The following FPR1 variants were observed in gnomAD, a reference collection of about 807,000 sequenced individuals.
FPR1 encodes the protein N-formyl peptide receptor 1.
For synonymous variants in FPR1, 193 were observed against 176.7 expected, an observed-to-expected ratio of 1.09 and a Z score of -0.73; for missense variants, 407 against 453.0, an observed-to-expected ratio of 0.90 and a Z score of 0.92.
chr19:51,746,412 C>T lies in FPR1; in HGVS notation c.583G>A (p.Val195Ile), dbSNP rs201880162. The T allele has an allele frequency of 2.7e-5, 44 of 1,614,122 alleles. 1 individual carries two copies. The highest frequency in any genetic ancestry group is 1.5e-4 in the South Asian group (14 of 91,068). Residue 195 changes from valine (V) to isoleucine (I), a missense_variant, in exon 2 of 2, where the codon GTT becomes ATT. Physicochemically the swap from Val to Ile is conservative, Grantham distance 29 (BLOSUM62 3). Transcript: ENST00000304748. This position sits in a 1 kb window ranked among gnomAD's most constrained non-coding sequence, Gnocchi z 4.3. The part of the protein sequence containing the change: ...NDPKERINVA[V>I]AMLTVRGIIR... ...ATGCCTCTCACCGTCAACATGGCAA[C>T]GGCCACATTTATCCTCTCTTTAGGG... is the stretch of plus-strand genomic sequence containing the variant.
intron 1 of FPR1, among the ~76,000 whole-genome samples, chr19:51,751,588 G>A (rs2083781395): frequency 6.6e-6 from 1 of 152,082 alleles, no homozygotes; most frequent in South Asian, 2.1e-4. Context: ...TCAACATGTT[G>A]GCCAGGCTGG....
intron 1 of FPR1, chr19:51,750,598 G>C (rs1216039143): frequency 2.6e-5 from 4 of 152,150 alleles, no homozygotes; most frequent in Non-Finnish European, 5.9e-5. Flanking sequence ...AAGGCAACCA[G>C]TTCAGAAGAT....
At chr19:51,745,618 GGGT>G, downstream of FPR1, 1 of 256,522 alleles carries the variant, frequency 3.9e-6, no homozygotes, top group South Asian at 5.7e-5. Context: ...CCAGAATGAT[GGGT>G]ATCATTCACT....
rs146371638 is a variant in FPR1, at chr19:51,748,321, T to C, written c.-11-1316A>G. On this transcript the variant is annotated intron_variant, in intron 1 of 1. Coordinates refer to ENST00000304748, the MANE Select transcript of FPR1 (RefSeq NM_002029.4). ...AGTGATTGCCAGGGACTGGGGAAAC[T>C]AGGAAGTGGGGAATTGTTGCTTAAT... Among the ~76,000 whole-genome samples, 519 of 152,280 alleles carry C rather than the reference T, an allele frequency of 3.4e-3. 1 individual carries two copies. The highest frequency in any genetic ancestry group is 0.01 in the African/African-American group (427 of 41,560).
At position 51,750,499 on chromosome 19, in the gene FPR1, T is replaced by C. The variant is rs141944260; in HGVS notation, c.-12+1315A>G. 2.4e-3 allele frequency among the ~76,000 whole-genome samples: 360 copies of C among 152,296 alleles called. 3 individuals are homozygous for C. The highest frequency in any genetic ancestry group is 7.3e-3 in the African/African-American group (304 of 41,552). On this transcript the variant is annotated intron_variant, in intron 1 of 1. Transcript: ENST00000304748. ...TCTAATGAACTTTGATACTCTACAATCTCAGAAACAACTCAGAGATGTCTC... is the reference window on the plus strand; with the variant it reads ...TCTAATGAACTTTGATACTCTACAACCTCAGAAACAACTCAGAGATGTCTC...
rs1462230911 is a variant in FPR1 at position 51,745,863 on chromosome 19, G to A, written c.*79C>T. On this transcript the variant is annotated 3_prime_UTR_variant, in exon 2 of 2. Transcript: ENST00000304748. ...GAGTGGGTAATCCTAAAATAAGCAG[G>A]AAATGCCTGTGGCTCAGCCTAACTC... is the stretch of plus-strand genomic sequence containing the variant. The A allele has an allele frequency of 8.4e-7, 1 of 1,192,452 alleles. No individual in the cohort carries two copies. Among genetic ancestry groups the A allele is most frequent in the Non-Finnish European group, 1.2e-6 (1 of 833,058 alleles). 73.9% of individuals were successfully genotyped at this position (1,192,452 alleles called of 1,614,324 possible).
rs752038261 is a variant in FPR1, at chr19:51,746,716, GA to G, written c.278del (p.Phe93SerfsTer12). 1.9e-6 allele frequency: 3 copies of G among 1,614,050 alleles called. No individual in the cohort carries two copies. Among genetic ancestry groups the G allele is most frequent in the South Asian group, 2.2e-5 (2 of 91,084 alleles). ...VRKAMGGHWP[F>X]GWFLCKFVFT... ...AGACGAATTTGCACAGGAACCAGCC[GA>G]AAGGCCAATGTCCTCCCATGGCCTT... On this transcript the variant is annotated frameshift_variant, in exon 2 of 2. Transcript: ENST00000304748. LOFTEE classifies it low-confidence loss of function (END_TRUNC). The surrounding 1 kb of genome is among the most constrained non-coding windows in gnomAD (Gnocchi z 4.3).
intron 1 of FPR1, among the ~76,000 whole-genome samples, chr19:51,749,948 G>A (rs1303159349): frequency 6.6e-6 from 1 of 152,190 alleles, no homozygotes; most frequent in Non-Finnish European, 1.5e-5. Flanking sequence ...TAGGATTACA[G>A]GTGTGAGCCA....
intron 1 of FPR1, chr19:51,750,721 T>C (rs1171328102): frequency 2.6e-5 from 4 of 152,240 alleles, no homozygotes; most frequent in Non-Finnish European, 4.4e-5. Context: ...TGATTTGCAA[T>C]GAACACAGGC....
chr19:51,747,449 C>A (rs1161319571), intron 1 of FPR1, among the ~76,000 whole-genome samples: 2 of 151,976 alleles, frequency 1.3e-5, no homozygotes, highest in African/African-American at 2.4e-5. Context: ...AACTGCTGAC[C>A]CCAGGTGATC....
At position 51,745,791 on chromosome 19, in the gene FPR1, T is replaced by C. The variant is rs1951970002; in HGVS notation, c.*151A>G. 1 of 671,908 alleles carries C rather than the reference T, an allele frequency of 1.5e-6. No individual in the cohort carries two copies. The highest frequency in any genetic ancestry group is 2.6e-6 in the Non-Finnish European group (1 of 388,040). The allele number at this position is 671,908 out of a possible 1,614,324, so 41.6% of individuals were successfully genotyped here. On this transcript the variant is annotated 3_prime_UTR_variant, in exon 2 of 2. Transcript: ENST00000304748. Reference sequence around the variant, plus strand: ...TCAATAATAAACTCATATCTGTTTATTCTCCCCAAATCAGGGGACACAAAG... The same window carrying C: ...TCAATAATAAACTCATATCTGTTTACTCTCCCCAAATCAGGGGACACAAAG...
At chr19:51,745,584 A>T (rs570118654), downstream of FPR1, 81 of 212,068 alleles carry the variant, frequency 3.8e-4, no homozygotes, top group African/African-American at 1.8e-3. Flanking sequence ...TTCAGAATGG[A>T]AGTGGACACT....
intron 1 of FPR1, among the ~76,000 whole-genome samples, chr19:51,748,368 T>C (rs534203676): frequency 8.5e-5 from 13 of 152,306 alleles, no homozygotes; most frequent in African/African-American, 2.9e-4. Flanking sequence ...TTTTGCTTGG[T>C]GTGATTAAAA....
At position 51,746,411 on chromosome 19, in the gene FPR1, AC is replaced by A; in HGVS notation, c.583del (p.Val195LeufsTer4). ...GATGCCTCTCACCGTCAACATGGCA[AC>A]GGCCACATTTATCCTCTCTTTAGGG... The part of the protein sequence containing the change: ...NDPKERINVA[V>X]AMLTVRGIIR... On this transcript the variant is annotated frameshift_variant, in exon 2 of 2. Transcript: ENST00000304748. LOFTEE classifies it low-confidence loss of function (END_TRUNC). The surrounding 1 kb of genome is among the most constrained non-coding windows in gnomAD (Gnocchi z 4.3). The A allele has an allele frequency of 6.2e-7, 1 of 1,614,202 alleles. No homozygotes were observed.
chr19:51,748,489 C>G (rs1285448231), intron 1 of FPR1, among the ~76,000 whole-genome samples: 1 of 152,240 alleles, frequency 6.6e-6, no homozygotes, highest in African/African-American at 2.4e-5. Context: ...GAGACGCAGT[C>G]TCGTTCTGTC....
intron 1 of FPR1, 139 bp from the exon 2 acceptor site, chr19:51,747,144 C>T (rs1269942636): frequency 1.6e-6 from 1 of 636,614 alleles, no homozygotes; most frequent in Non-Finnish European, 2.8e-6. Flanking sequence ...GCCGGAACAT[C>T]CTCACCACTG....
intron 1 of FPR1, among the ~76,000 whole-genome samples, chr19:51,751,037 A>T (rs530613704): frequency 1.3e-5 from 2 of 152,300 alleles, no homozygotes; most frequent in Non-Finnish European, 1.5e-5. Flanking sequence ...ATGACCCATC[A>T]TAAAGTCGTT....
chr19:51,747,311 G>A (rs1340396948), intron 1 of FPR1, among the ~76,000 whole-genome samples: 2 of 151,200 alleles, frequency 1.3e-5, no homozygotes, highest in Admixed American at 6.6e-5. Flanking sequence ...CACCTCCCGG[G>A]TTCAAGCAAT....
Position 51,746,420 on chromosome 19 carries a change from T to C in FPR1, c.575A>G (p.Asn192Ser). Residue 192 changes from asparagine to serine, a missense_variant, in exon 2 of 2, where the codon AAT (asparagine) becomes AGT (serine). Coordinates refer to ENST00000304748, the MANE Select transcript of FPR1 (RefSeq NM_002029.4). This position sits in a 1 kb window ranked among gnomAD's most constrained non-coding sequence, Gnocchi z 4.3. ...CACCGTCAACATGGCAACGGCCACA[T>C]TTATCCTCTCTTTAGGGTCGTTGGT... is the stretch of plus-strand genomic sequence containing the variant. ...PWTNDPKERI[N>S]VAVAMLTVRG... The C allele has an allele frequency of 6.2e-7, 1 of 1,614,090 alleles. No individual in the cohort carries two copies. The highest frequency in any genetic ancestry group is 1.1e-5 in the South Asian group (1 of 91,084).
Sources: allele counts gnomAD v4.1 joint callset (sites outside exome capture counted in the v4.1 genomes callset), GRCh38; gene constraint gnomAD v4.1.1; non-coding constraint Gnocchi (gnomAD v3.1); transcripts MANE v1.5; gene names NCBI Gene and HGNC (gene_info 2026-07-23, HGNC 2026-07-21).